Variants in NPAS2 observed in about 807,000 individuals in gnomAD.
The protein encoded by NPAS2 is neuronal PAS domain protein 2.
Under a neutral mutation model 107.5 loss-of-function variants are expected in NPAS2, and 23 were observed. The ratio of observed to expected loss-of-function variants is 0.21; its 90% confidence interval spans 0.15 to 0.30. The LOEUF is 0.30. Ranked by LOEUF, NPAS2 falls within the 10% of genes least tolerant of loss-of-function variation. NPAS2 has a pLI of 1.00. For synonymous variants in NPAS2, 403 were observed against 417.5 expected (o/e 0.97, Z 0.42); for missense variants, 756 against 1,043.3 (o/e 0.72, Z 3.79).
intron 20 of NPAS2, chr2:100,994,353 T>C (rs1168198500): frequency 6.6e-6 from 1 of 152,296 alleles, no homozygotes; most frequent in Non-Finnish European, 1.5e-5. Context: ...CGCTAAGCCA[T>C]CTGTGCTATA....
chr2:100,917,669 A>G (rs1414626711), intron 2 of NPAS2, among the ~76,000 whole-genome samples: 1 of 152,232 alleles, frequency 6.6e-6, no homozygotes, highest in Non-Finnish European at 1.5e-5. Context: ...ATAAGGAAAT[A>G]CTATGAACAA....
chr2:100,859,007 G>A (rs915675689), intron 1 of NPAS2, among the ~76,000 whole-genome samples: 1 of 152,220 alleles, frequency 6.6e-6, no homozygotes, highest in Non-Finnish European at 1.5e-5. Context: ...GCTCACGCCT[G>A]TAATCCCAGC....
intron 1 of NPAS2, among the ~76,000 whole-genome samples, chr2:100,829,715 G>T (rs1333528178): frequency 6.6e-6 from 1 of 152,130 alleles, no homozygotes; most frequent in Non-Finnish European, 1.5e-5. Context: ...TGGTGAGAGT[G>T]GGCATCCTCA....
rs980171354 is a variant in NPAS2, at chr2:100,925,381, T to C, written c.181+87T>C. 4.1e-5 allele frequency: 59 copies of C among 1,446,444 alleles called. 2 individuals are homozygous for C. The East Asian group carries it at 1.3e-3, about 33-fold the overall frequency. The allele number at this position is 1,446,444 out of a possible 1,614,324, so 89.6% of individuals were successfully genotyped here. ...CACCAATCTGGGCTGCCTGGTTGGT[T>C]TTGTCTCCCCAGCCAGGCCCAGCCT... On this transcript the variant is annotated intron_variant, in intron 3 of 20. Coordinates refer to ENST00000335681, the MANE Select transcript of NPAS2 (RefSeq NM_002518.4).
At chr2:100,958,178 T>G (rs1211368747) in intron 7 of NPAS2, among the ~76,000 whole-genome samples, 2 of 152,150 alleles carry the variant, frequency 1.3e-5, no homozygotes, top group Non-Finnish European at 2.9e-5. Flanking sequence ...TATAAAAGTT[T>G]CCCTGCCCTC....
chr2:100,985,569 A>ATT lies in NPAS2; in HGVS notation c.1630-2509_1630-2508insTT, dbSNP rs1677732692. On this transcript the variant is annotated intron_variant, in intron 16 of 20. Transcript: ENST00000335681. ...GCACCATTCATATGTTTATTCATTC[A>ATT]TACATGCATTTATTCCATTCATTCA... 4 of 152,366 alleles carry ATT rather than the reference A, an allele frequency of 2.6e-5. No individual in the cohort carries two copies. In the South Asian group the frequency reaches 8.3e-4, roughly 32 times the overall value. 9.4% of individuals were successfully genotyped at this position (152,366 alleles called of 1,614,324 possible).
intron 1 of NPAS2, among the ~76,000 whole-genome samples, chr2:100,901,906 C>T (rs1032906171): frequency 5.9e-5 from 9 of 152,080 alleles, no homozygotes; most frequent in South Asian, 2.1e-4. Context: ...TGACTGTCTA[C>T]GCCACGTAGG....
chr2:100,980,099 A>G (rs1421835914), intron 15 of NPAS2, among the ~76,000 whole-genome samples: 1 of 152,198 alleles, frequency 6.6e-6, no homozygotes, highest in Admixed American at 6.5e-5. Flanking sequence ...TCTCTTTATC[A>G]AAAACATCAC....
intron 17 of NPAS2, 29 bp from the exon 18 acceptor site, chr2:100,990,227 T>TTACCTTTCTC: frequency 6.2e-7 from 1 of 1,610,220 alleles, no homozygotes; most frequent in Non-Finnish European, 8.5e-7. Context: ...AGTCCAAGTC[T>TTACCTTTCTC]TACCTTTCTC....
At chr2:100,855,321 T>C (rs1377099963) in intron 1 of NPAS2, among the ~76,000 whole-genome samples, 1 of 152,210 alleles carries the variant, frequency 6.6e-6, no homozygotes, top group Non-Finnish European at 1.5e-5. Flanking sequence ...TCGTGATTCC[T>C]AGACAATTCT....
In NPAS2 at chr2:100,927,407, C is replaced by T. The variant is rs57474244; in HGVS notation, c.181+2113C>T. Among the ~76,000 whole-genome samples the T allele has an allele frequency of 1.4e-3, 214 of 152,272 alleles. 5 individuals are homozygous for T. In the East Asian group the frequency reaches 0.034, roughly 24 times the overall value. On this transcript the variant is annotated intron_variant, in intron 3 of 20. Transcript: ENST00000335681. ...ACTTTGTAATACTTTATAAAAGTAA[C>T]ACATACAGAGAATATACAAATCATA... is the stretch of plus-strand genomic sequence containing the variant.
chr2:100,877,464 A>G (rs913301489), intron 1 of NPAS2, among the ~76,000 whole-genome samples: 17 of 149,254 alleles, frequency 1.1e-4, no homozygotes, highest in African/African-American at 3.8e-4. Context: ...AAAAAAAAAA[A>G]AAAGAAATGG....
chr2:100,874,462 C>T (rs1679826429), intron 1 of NPAS2, among the ~76,000 whole-genome samples: 1 of 152,116 alleles, frequency 6.6e-6, no homozygotes, highest in African/African-American at 2.4e-5. Flanking sequence ...TAAAAATGGG[C>T]TGGGCACGGT....
chr2:100,949,533 G>T (rs1289543710), intron 7 of NPAS2, 53 bp downstream of exon 7: 17 of 1,009,068 alleles, frequency 1.7e-5, no homozygotes, highest in Non-Finnish European at 2.7e-5. Context: ...ATGCAAACGT[G>T]CACATGGGGG....
At chr2:100,907,225 C>CA (rs1161091029) in intron 2 of NPAS2, among the ~76,000 whole-genome samples, 3 of 151,582 alleles carry the variant, frequency 2.0e-5, no homozygotes, top group South Asian at 2.1e-4. Flanking sequence ...ATAGACATGC[C>CA]AAAAAAAATC....
At position 100,996,058 on chromosome 2, in the gene NPAS2, G is replaced by T. The variant is rs1214526074; in HGVS notation, c.*476G>T. ...GATTATTTTTCATTATTTTTAAATG[G>T]TTGTTTTTGTTTTAATTTGCACAGC... is the stretch of plus-strand genomic sequence containing the variant. On this transcript the variant is annotated 3_prime_UTR_variant, in exon 21 of 21. Coordinates refer to ENST00000335681, the MANE Select transcript of NPAS2 (RefSeq NM_002518.4). The T allele has an allele frequency of 1.1e-6, 1 of 947,834 alleles. No individual in the cohort carries two copies. The highest frequency in any genetic ancestry group is 6.3e-5 in the East Asian group (1 of 15,884). The allele number at this position is 947,834 out of a possible 1,614,324, so 58.7% of individuals were successfully genotyped here. A position where few individuals can be genotyped will look rare whatever the true frequency, so the allele number is the denominator to read the frequency against.
At chr2:100,924,182 C>T (rs1344285220) in intron 2 of NPAS2, among the ~76,000 whole-genome samples, 1 of 152,180 alleles carries the variant, frequency 6.6e-6, no homozygotes, top group Non-Finnish European at 1.5e-5. Flanking sequence ...CACTCAGCCT[C>T]CCCCATTATC....
intron 7 of NPAS2, among the ~76,000 whole-genome samples, chr2:100,963,751 T>G (rs1676053488): frequency 6.6e-6 from 1 of 152,164 alleles, no homozygotes; most frequent in African/African-American, 2.4e-5. Flanking sequence ...TTCCCAGCAT[T>G]ATAAGCCATA....
At chr2:100,852,321 C>T (rs534831292) in intron 1 of NPAS2, among the ~76,000 whole-genome samples, 33 of 152,102 alleles carry the variant, frequency 2.2e-4, no homozygotes, top group African/African-American at 2.7e-4. Context: ...GGCGTGAACC[C>T]GGGAGGCAGA....
Sources: gnomAD v4.1 joint callset for allele counts (sites outside exome capture counted in the v4.1 genomes callset) on GRCh38, gnomAD v4.1.1 for gene constraint, MANE v1.5 for transcripts, NCBI Gene and HGNC (gene_info 2026-07-23, HGNC 2026-07-21) for gene names.